The following ZNF611 variants were observed in gnomAD, a reference collection of about 807,000 sequenced individuals.
ZNF611 encodes the protein zinc finger protein 611.
Under a neutral mutation model 8.9 loss-of-function variants are expected in ZNF611, and 6 were observed. That is an observed-to-expected ratio of 0.68 (90% CI 0.37 to 1.34). The LOEUF (loss-of-function observed/expected upper bound fraction) is 1.34. Ranked by LOEUF, ZNF611 falls within the 40% of genes most tolerant of loss-of-function variation. The pLI, the probability that ZNF611 is intolerant of heterozygous loss-of-function variation, is 0.02. For missense variants in ZNF611, 874 were observed against 841.3 expected, an observed-to-expected ratio of 1.04 and a Z score of -0.48; for synonymous variants, 262 against 279.7, an observed-to-expected ratio of 0.94 and a Z score of 0.63.
intron 3 of ZNF611, chr19:52,723,759 C>T (rs1374654912): frequency 6.6e-6 from 1 of 152,186 alleles, no homozygotes; most frequent in Non-Finnish European, 1.5e-5. Flanking sequence ...TCTACCATCT[C>T]AGAGAGGGGG....
chr19:52,729,492 C>CAAAAAAAAAA lies in ZNF611; in HGVS notation c.-122+404_-122+413dup, dbSNP rs397859789. 1.0e-2 allele frequency among the ~76,000 whole-genome samples: 423 copies of CAAAAAAAAAA among 42,360 alleles called. 19 individuals carry two copies. Among genetic ancestry groups the CAAAAAAAAAA allele is most frequent in the African/African-American group, 0.021 (168 of 8,154 alleles). 27.8% of individuals were successfully genotyped at this position (42,360 alleles called of 152,430 possible). The stretch of plus-strand genomic sequence containing the variant: ...TGGGTGACAGAGCGAGACTCCATCT[C>CAAAAAAAAAA]AAAAAAAAAAAAAAAAAAAAAAAAA... On this transcript the variant is annotated intron_variant, in intron 2 of 5. Transcript: ENST00000652185.
chr19:52,708,820 G>A (rs1390431274), intron 5 of ZNF611: 1 of 152,096 alleles, frequency 6.6e-6, no homozygotes, highest in Non-Finnish European at 1.5e-5. Context: ...CTGGGTGACA[G>A]GGCAAGACTC....
intron 5 of ZNF611, 127 bp from the exon 6 acceptor site, chr19:52,706,991 G>A: frequency 7.0e-7 from 1 of 1,420,538 alleles, no homozygotes; most frequent in Admixed American, 2.4e-5. Context: ...CAAAGTTTAG[G>A]AAAACGAAAG....
In ZNF611 at chr19:52,714,071, T is replaced by G; in HGVS notation, c.134A>C (p.Gln45Pro). Residue 45 changes from glutamine (Q) to proline (P), a missense_variant, in exon 5 of 6, where the codon CAG becomes CCG. Physicochemically the swap from Gln to Pro is moderately conservative, Grantham distance 76. Transcript: ENST00000652185. ...CATCACTTCCCTGTACAAAGCCCTC[T>G]GTGAAGGGTTCAGGCATTTCCACTC... Reference protein sequence around the residue: ...LAEWKCLNPSQRALYREVMLE... With the variant: ...LAEWKCLNPSPRALYREVMLE... 6.2e-7 allele frequency: 1 copy of G among 1,614,098 alleles called. No homozygotes were observed. The highest frequency in any genetic ancestry group is 1.1e-5 in the South Asian group (1 of 91,074).
At chr19:52,729,156 T>C (rs1475386826) in intron 2 of ZNF611, among the ~76,000 whole-genome samples, 1 of 152,126 alleles carries the variant, frequency 6.6e-6, no homozygotes, top group Non-Finnish European at 1.5e-5. Context: ...ACTGTCACAT[T>C]AATGAAAAGT....
At chr19:52,730,478 G>C (rs1297443685) in intron 1 of ZNF611, among the ~76,000 whole-genome samples, 3 of 151,170 alleles carry the variant, frequency 2.0e-5, no homozygotes, top group African/African-American at 7.3e-5. Flanking sequence ...GCGATGTTCA[G>C]AGTTGTGTCC....
At chr19:52,716,093 C>T (rs574123039) in intron 3 of ZNF611, 180 bp from the exon 4 acceptor site, 6 of 669,318 alleles carry the variant, frequency 9.0e-6, no homozygotes, top group African/African-American at 7.3e-5. Flanking sequence ...ATATTTGACC[C>T]CAGTCTTCAG....
chr19:52,729,492 C>CAAAAAAAAAAAAAAAAAAAAAAAAAAAA (rs397859789), intron 2 of ZNF611, among the ~76,000 whole-genome samples: 8 of 42,356 alleles, frequency 1.9e-4, no homozygotes, highest in African/African-American at 3.7e-4. Flanking sequence ...GACTCCATCT[C>CAAAAAAAAAAAAAAAAAAAAAAAAAAAA]AAAAAAAAAA....
rs1313690072 is a variant in ZNF611, at chr19:52,706,750, C to G, written c.305G>C (p.Cys102Ser). ...AATTTCTTTCTCAATTTCCTGGAAG[C>G]AAAAATCTCCAATGTGATGACTTTC... Reference protein sequence around the residue: ...RHESHHIGDFCFQEIEKEIHD... With the variant: ...RHESHHIGDFSFQEIEKEIHD... Residue 102 changes from cysteine (C) to serine (S), a missense_variant, in exon 6 of 6, where the codon TGC becomes TCC. Physicochemically the swap from Cys to Ser is moderately radical, Grantham distance 112. Transcript: ENST00000652185. 3 of 1,614,092 alleles carry G rather than the reference C, an allele frequency of 1.9e-6. No homozygotes were observed. Among genetic ancestry groups the G allele is most frequent in the Middle Eastern group, 1.6e-4 (1 of 6,062 alleles).
Position 52,706,141 on chromosome 19 carries a change from T to C in ZNF611, c.914A>G (p.His305Arg), listed in dbSNP as rs1392526267. The part of the protein sequence containing the change: ...TFSQESSLTC[H>R]RRLHTGVKRY... ...TTTTACTCCAGTATGAAGTCTACGATGGCAGGTAAGGGATGACTCCTGACT... is the reference window on the plus strand; with the variant it reads ...TTTTACTCCAGTATGAAGTCTACGACGGCAGGTAAGGGATGACTCCTGACT... Residue 305 changes from histidine to arginine, a missense_variant, in exon 6 of 6, where the codon CAT becomes CGT. By Grantham distance (29) the His-to-Arg change is conservative. Transcript: ENST00000652185. 5.6e-6 allele frequency: 9 copies of C among 1,614,168 alleles called. No homozygotes were observed. In the East Asian group the frequency reaches 1.8e-4, roughly 32 times the overall value.
intron 3 of ZNF611, among the ~76,000 whole-genome samples, chr19:52,728,260 C>T (rs143506439): frequency 0.019 from 2,667 of 141,956 alleles, 86 homozygotes; most frequent in African/African-American, 0.062. Context: ...ATCCCTGGGC[C>T]GGGCGTGGTG....
chr19:52,705,894 T>G lies in ZNF611; in HGVS notation c.1161A>C (p.Thr387=), dbSNP rs753201180. 34 of 1,614,126 alleles carry G rather than the reference T, an allele frequency of 2.1e-5. No homozygotes were observed. The highest frequency in any genetic ancestry group is 2.7e-5 in the Non-Finnish European group (32 of 1,180,046). Residue 387 remains threonine, a synonymous_variant, in exon 6 of 6, where the codon ACA becomes ACC. Transcript: ENST00000652185. ...TCTCTCCAGTATGAATTCTCTTATG[T>G]GTCTCAATGGTTGATTTCCGACTGA... ...KVFSRKSTIE[T]HKRIHTGEKP...
rs1489431412 is a variant in ZNF611 at position 52,706,436 on chromosome 19, T to A, written c.619A>T (p.Asn207Tyr). 5.0e-6 allele frequency: 8 copies of A among 1,614,204 alleles called. No individual in the cohort carries two copies. The highest frequency in any genetic ancestry group is 6.8e-6 in the Non-Finnish European group (8 of 1,180,034). The change falls in exon 6 of 6, where the codon AAC becomes TAC. Residue 207 changes from asparagine (N) to tyrosine (Y), a missense_variant. Coordinates refer to ENST00000652185, the MANE Select transcript of ZNF611 (RefSeq NM_001161499.2). ...GAATTCAGGGGATTATTCCCATAGT[T>A]ATTAGAAATCTGGGTTTGGGGCCTA... ...SCRPQTQISNNYGNNPLNSSL... is the reference protein window; with the variant it reads ...SCRPQTQISNYYGNNPLNSSL...
Position 52,705,573 on chromosome 19 carries a change from A to G in ZNF611, c.1482T>C (p.Asn494=). 1 of 1,612,832 alleles carries G rather than the reference A, an allele frequency of 6.2e-7. No homozygotes were observed. The highest frequency in any genetic ancestry group is 8.5e-7 in the Non-Finnish European group (1 of 1,179,694). ...TTGACTTATGAATTAAAAGATCTGA[A>G]TTTTGACCAAAGGTCTTCCCACATT... ...CNECGKTFGQ[N]SDLLIHKSIH... is the part of the protein sequence containing the mutation. Residue 494 remains asparagine (N), a synonymous_variant, in exon 6 of 6, where the codon AAT becomes AAC. Coordinates refer to ENST00000652185, the MANE Select transcript of ZNF611 (RefSeq NM_001161499.2).
At position 52,704,234 on chromosome 19, in the gene ZNF611, T is replaced by G. The variant is rs1438700952; in HGVS notation, c.*703A>C. ...ATGCTGAATTGACTCCAATGTCAAT[T>G]AATGCTTGATGGTTTGCTATACTCA... On this transcript the variant is annotated 3_prime_UTR_variant, in exon 6 of 6. Transcript: ENST00000652185. 2.3e-6 allele frequency: 1 copy of G among 434,802 alleles called. No individual in the cohort carries two copies. Among genetic ancestry groups the G allele is most frequent in the Non-Finnish European group, 4.6e-6 (1 of 216,048 alleles). The allele number at this position is 434,802 out of a possible 1,614,324, so 26.9% of individuals were successfully genotyped here.
intron 3 of ZNF611, 105 bp from the exon 4 acceptor site, chr19:52,716,018 C>G: frequency 8.2e-7 from 1 of 1,217,010 alleles, no homozygotes; most frequent in Non-Finnish European, 1.2e-6. Flanking sequence ...AAGAAGTCCC[C>G]CACTGCCCAC....
chr19:52,726,937 C>A (rs913669016), intron 3 of ZNF611, among the ~76,000 whole-genome samples: 15 of 152,020 alleles, frequency 9.9e-5, no homozygotes, highest in African/African-American at 3.6e-4. Context: ...GAGATCATGG[C>A]CCACTGCAGC....
At position 52,725,799 on chromosome 19, in the gene ZNF611, G is replaced by GC. The variant is rs1275129773; in HGVS notation, c.-20+2930dup. On this transcript the variant is annotated intron_variant, in intron 3 of 5. Transcript: ENST00000652185. Reference sequence around the variant, plus strand: ...AGGACAGAAGCCAGTCCCGGGTGGGGCCCCCGAACATGGTGGCGGGGCCTG... The same window carrying GC: ...AGGACAGAAGCCAGTCCCGGGTGGGGCCCCCCGAACATGGTGGCGGGGCCTG... 1.1e-4 allele frequency among the ~76,000 whole-genome samples: 17 copies of GC among 152,288 alleles called. No individual in the cohort carries two copies. The East Asian group carries it at 3.1e-3, about 28-fold the overall frequency.
Position 52,705,240 on chromosome 19 carries a change from G to A in ZNF611, c.1815C>T (p.Arg605=), listed in dbSNP as rs544374067. The A allele has an allele frequency of 1.9e-6, 3 of 1,614,034 alleles. No individual in the cohort carries two copies. The highest frequency in any genetic ancestry group is 2.5e-6 in the Non-Finnish European group (3 of 1,180,014). The change falls in exon 6 of 6, where the codon CGC becomes CGT. Residue 605 remains arginine (R), a synonymous_variant. Coordinates refer to ENST00000652185, the MANE Select transcript of ZNF611 (RefSeq NM_001161499.2). ...KCNECSKTFS[R]RSSLHCHRRL... is the part of the protein sequence containing the mutation. ...TACGATGGCAATGAAGGGATGACCT[G>A]CGACTGAAGGTCTTGCTGCACTCAT...
Sources: allele counts gnomAD v4.1 joint callset (sites outside exome capture counted in the v4.1 genomes callset), GRCh38; gene constraint gnomAD v4.1.1; transcripts MANE v1.5; gene names NCBI Gene and HGNC (gene_info 2026-07-23, HGNC 2026-07-21).